Variants in UNC79 observed in about 807,000 individuals in gnomAD.
UNC79 encodes unc-79 subunit of NALCN channel complex.
Under a neutral mutation model 283.1 loss-of-function variants are expected in UNC79, and 37 were observed. The ratio of observed to expected loss-of-function variants is 0.13; its 90% confidence interval spans 0.10 to 0.17. UNC79 has a LOEUF of 0.17. UNC79 is among the 10% of genes least tolerant of loss of function. The pLI, the probability that UNC79 is intolerant of heterozygous loss-of-function variation, is 1.00. For synonymous variants in UNC79, 1,107 were observed against 1,200.2 expected, an observed-to-expected ratio of 0.92 and a Z score of 1.61; for missense variants, 2,272 against 3,211.1, an observed-to-expected ratio of 0.71 and a Z score of 7.07.
intron 1 of UNC79, among the ~76,000 whole-genome samples, chr14:93,380,091 A>C (rs1260670345): frequency 1.3e-5 from 2 of 152,154 alleles, no homozygotes; most frequent in Non-Finnish European, 2.9e-5. Context: ...AAGACACAAC[A>C]TAAGTAAGGA....
chr14:93,568,666 C>T (rs1006895578), intron 14 of UNC79, among the ~76,000 whole-genome samples: 2 of 151,216 alleles, frequency 1.3e-5, no homozygotes, highest in South Asian at 2.1e-4. Flanking sequence ...AGCGAAACTC[C>T]GTCTCAAAAA....
chr14:93,651,414 A>G lies in UNC79; in HGVS notation c.6084-2328A>G, dbSNP rs538786262. Among the ~76,000 whole-genome samples the G allele has an allele frequency of 5.9e-5, 9 of 152,320 alleles. No individual in the cohort carries two copies. The East Asian group carries it at 1.3e-3, about 23-fold the overall frequency. On this transcript the variant is annotated intron_variant, in intron 35 of 48. Transcript: ENST00000555664. Reference sequence around the variant, plus strand: ...ATCTTCCAATTCATGAACATGGTATATATCTCATTTTCATGAGATCTTTAA... The same window carrying G: ...ATCTTCCAATTCATGAACATGGTATGTATCTCATTTTCATGAGATCTTTAA...
At chr14:93,570,638 G>A (rs964032535) in intron 14 of UNC79, among the ~76,000 whole-genome samples, 13 of 152,148 alleles carry the variant, frequency 8.5e-5, no homozygotes, top group Non-Finnish European at 1.8e-4. Flanking sequence ...ATTTTATTAA[G>A]GGAGCGTTTT....
chr14:93,665,727 C>A (rs1280565364), intron 40 of UNC79, among the ~76,000 whole-genome samples: 1 of 151,766 alleles, frequency 6.6e-6, no homozygotes, highest in East Asian at 1.9e-4. Flanking sequence ...AAAAAAAAGT[C>A]TTTAAAATGA....
At chr14:93,477,457 C>T in intron 3 of UNC79, 101 bp from the exon 4 acceptor site, 1 of 964,140 alleles carries the variant, frequency 1.0e-6, no homozygotes, top group South Asian at 1.9e-5. Context: ...GCACTAGTTG[C>T]TTATAACTTA....
At chr14:93,376,313 AT>A (rs2054557303) in intron 1 of UNC79, among the ~76,000 whole-genome samples, 1 of 152,140 alleles carries the variant, frequency 6.6e-6, no homozygotes, top group African/African-American at 2.4e-5. Context: ...AGAGATTTAA[AT>A]TTTTTCAAAT....
At chr14:93,600,454 A>C in intron 24 of UNC79, 115 bp from the exon 25 acceptor site, 1 of 672,138 alleles carries the variant, frequency 1.5e-6, no homozygotes, top group Non-Finnish European at 2.4e-6. Context: ...TATAAGTTTG[A>C]ATTGAGTAGG....
chr14:93,571,013 A>G (rs2141594922), intron 14 of UNC79, among the ~76,000 whole-genome samples: 1 of 152,362 alleles, frequency 6.6e-6, no homozygotes, highest in African/African-American at 2.4e-5. Context: ...TCTTGAAAAT[A>G]TTTAGTCAAT....
At chr14:93,704,539 TG>T (rs2075743058) in intron 47 of UNC79, 85 bp from the exon 51 acceptor site, 1 of 1,444,054 alleles carries the variant, frequency 6.9e-7, no homozygotes, top group East Asian at 2.3e-5. Context: ...AGGGATTCAA[TG>T]TGGCCTGTTT....
intron 14 of UNC79, among the ~76,000 whole-genome samples, chr14:93,548,171 A>G (rs2061695296): frequency 6.6e-6 from 1 of 152,198 alleles, no homozygotes; most frequent in African/African-American, 2.4e-5. Flanking sequence ...GAGGCTGGAA[A>G]GTCCCAGATC....
chr14:93,417,089 G>C (rs997130667), intron 1 of UNC79, among the ~76,000 whole-genome samples: 1 of 152,124 alleles, frequency 6.6e-6, no homozygotes, highest in Non-Finnish European at 1.5e-5. Flanking sequence ...TATTTTGCTC[G>C]TTAGTTGATC....
intron 1 of UNC79, among the ~76,000 whole-genome samples, chr14:93,362,754 G>T (rs180707440): frequency 1.3e-5 from 2 of 152,132 alleles, no homozygotes; most frequent in East Asian, 3.9e-4. Context: ...CTTTTTTCTA[G>T]GTTTTCTAGT....
At chr14:93,393,903 C>A (rs1276271826) in intron 1 of UNC79, among the ~76,000 whole-genome samples, 1 of 151,904 alleles carries the variant, frequency 6.6e-6, no homozygotes, top group Non-Finnish European at 1.5e-5. Flanking sequence ...ACTATTGTCC[C>A]CTAACCTCAA....
intron 1 of UNC79, among the ~76,000 whole-genome samples, chr14:93,466,652 C>T (rs2057196533): frequency 6.6e-6 from 1 of 152,162 alleles, no homozygotes; most frequent in East Asian, 1.9e-4. Flanking sequence ...GAACAGCAGG[C>T]CTTGCTTCTC....
At chr14:93,379,088 A>C (rs2054615754) in intron 1 of UNC79, among the ~76,000 whole-genome samples, 1 of 152,164 alleles carries the variant, frequency 6.6e-6, no homozygotes, top group Admixed American at 6.5e-5. Flanking sequence ...GTGGGGATTC[A>C]TGAATTTCCA....
Position 93,543,013 on chromosome 14 carries a change from C to T in UNC79, c.1755+317C>T, listed in dbSNP as rs1162698051. 2.7e-5 allele frequency among the ~76,000 whole-genome samples: 4 copies of T among 149,596 alleles called. No homozygotes were observed. The Admixed American group carries it at 2.7e-4, about 10-fold the overall frequency. The stretch of plus-strand genomic sequence containing the variant: ...TGTCGCCCAGGCTGGCCGCCTTGAA[C>T]TCCTGGGCTCAAGTGATCCTCCTGC... On this transcript the variant is annotated intron_variant, in intron 14 of 48. Transcript: ENST00000555664.
At chr14:93,375,496 A>G (rs963616432) in intron 1 of UNC79, among the ~76,000 whole-genome samples, 1 of 152,240 alleles carries the variant, frequency 6.6e-6, no homozygotes, top group Non-Finnish European at 1.5e-5. Context: ...GTATTAGTCC[A>G]TTCTCACATT....
chr14:93,348,179 TTTTG>T, intron 1 of UNC79: 2 of 1,082,888 alleles, frequency 1.8e-6, no homozygotes, highest in Non-Finnish European at 2.9e-6. Flanking sequence ...AAAGCTGTGT[TTTTG>T]TTAACGAGCA....
rs189539529 is a variant in UNC79 at position 93,458,792 on chromosome 14, A to T, written c.23-8879A>T. ...CATCTGCTATGTACCTAGCATTGTG[A>T]TAAGTCCTAAGGGAGTACAAATGTA... On this transcript the variant is annotated intron_variant, in intron 1 of 48. Transcript: ENST00000555664. 6.8e-4 allele frequency among the ~76,000 whole-genome samples: 103 copies of T among 152,332 alleles called. 2 individuals carry two copies. Among genetic ancestry groups the T allele is most frequent in the Admixed American group, 6.5e-4 (10 of 15,302 alleles).
Sources: gnomAD v4.1 joint callset for allele counts (sites outside exome capture counted in the v4.1 genomes callset) on GRCh38, gnomAD v4.1.1 for gene constraint, MANE v1.5 for transcripts, NCBI Gene and HGNC (gene_info 2026-07-23, HGNC 2026-07-21) for gene names.